The following IL7 variants were observed in gnomAD, a reference collection of about 807,000 sequenced individuals.
The protein encoded by IL7 is interleukin-7.
IL7 carries 3 observed loss-of-function variants against 21.6 expected under a neutral mutation model. That is an observed-to-expected ratio of 0.14 (90% confidence interval 0.06 to 0.36). The LOEUF (loss-of-function observed/expected upper bound fraction) is 0.36. Among genes scored for constraint, IL7 ranks in the 10% least tolerant of loss-of-function variants. The pLI is 1.00. For synonymous variants in IL7, 62 were observed against 68.1 expected, an observed-to-expected ratio of 0.91 and a Z score of 0.44; for missense variants, 175 against 200.2, an observed-to-expected ratio of 0.87 and a Z score of 0.76.
intron 2 of IL7, among the ~76,000 whole-genome samples, chr8:78,765,479 C>A (rs1016943438): frequency 3.3e-5 from 5 of 151,914 alleles, no homozygotes; most frequent in Admixed American, 6.6e-5. Context: ...TCTTAAAAAT[C>A]TAAAATAAGA....
intron 2 of IL7, chr8:78,760,915 G>C: frequency 6.4e-7 from 1 of 1,559,258 alleles, no homozygotes; most frequent in Non-Finnish European, 8.7e-7. Context: ...AGACATCAGA[G>C]GTTTGCCCCT....
chr8:78,675,349 C>A (rs1422210858), downstream of IL7, among the ~76,000 whole-genome samples: 1 of 151,762 alleles, frequency 6.6e-6, no homozygotes, highest in Non-Finnish European at 1.5e-5. Context: ...GAGTAAGATT[C>A]GTTTTATTCT....
At chr8:78,714,517 C>T (rs1414675360), downstream of IL7, among the ~76,000 whole-genome samples, 1 of 152,116 alleles carries the variant, frequency 6.6e-6, no homozygotes, top group African/African-American at 2.4e-5. Flanking sequence ...TGTCACAAAG[C>T]TGTCAGTAGC....
intron 2 of IL7, among the ~76,000 whole-genome samples, chr8:78,756,637 A>G (rs889049577): frequency 1.3e-5 from 2 of 151,652 alleles, no homozygotes; most frequent in African/African-American, 4.8e-5. Flanking sequence ...ATAGTCCTTT[A>G]TATTTCTGTG....
chr8:78,682,776 A>G (rs1030001998), intron 4 of IL7, among the ~76,000 whole-genome samples: 2 of 152,210 alleles, frequency 1.3e-5, no homozygotes, highest in East Asian at 1.9e-4. Context: ...CCACAGTTCA[A>G]TCTGAGACAA....
rs773352232 is a variant in IL7, at chr8:78,695,405, C to T, written n.215-9458G>A. 2.6e-5 allele frequency among the ~76,000 whole-genome samples: 4 copies of T among 152,148 alleles called. No homozygotes were observed. The South Asian group carries it at 6.2e-4, about 24-fold the overall frequency. On this transcript the variant is annotated intron_variant and non_coding_transcript_variant, in intron 3 of 4. Transcript: ENST00000523959. ...TTATGTAATGCTACCAGGAACCTTTCTGCCTGTTTCCTGCCTAAAGACTTG... is the reference window on the plus strand; with the variant it reads ...TTATGTAATGCTACCAGGAACCTTTTTGCCTGTTTCCTGCCTAAAGACTTG...
chr8:78,805,265 G>T lies in IL7; in HGVS notation c.-343C>A, dbSNP rs181081328. ...ATCTTCATTATCCCCTCTCTCCTGG[G>T]CACCTGCTTCCCGCGCACCTGGATG... is the stretch of plus-strand genomic sequence containing the variant. On this transcript the variant is annotated 5_prime_UTR_variant, in exon 1 of 6. Transcript: ENST00000263851. 1.7e-3 allele frequency: 383 copies of T among 231,196 alleles called. 1 individual carries two copies. The highest frequency in any genetic ancestry group is 2.8e-3 in the Non-Finnish European group (340 of 119,356). 14.3% of individuals were successfully genotyped at this position (231,196 alleles called of 1,614,324 possible).
intron 2 of IL7, among the ~76,000 whole-genome samples, chr8:78,796,420 A>G (rs183980130): frequency 6.6e-6 from 1 of 152,026 alleles, no homozygotes; most frequent in Non-Finnish European, 1.5e-5. Flanking sequence ...TGCATTTTCA[A>G]TTGCATCTTC....
At chr8:78,765,376 T>G (rs1399303793) in intron 2 of IL7, among the ~76,000 whole-genome samples, 1 of 151,962 alleles carries the variant, frequency 6.6e-6, no homozygotes, top group African/African-American at 2.4e-5. Context: ...AAAAGCAGCA[T>G]CAGGAGAATG....
intron 3 of IL7, among the ~76,000 whole-genome samples, chr8:78,687,732 ATATT>A: frequency 1.5e-5 from 1 of 68,662 alleles, no homozygotes; most frequent in African/African-American, 4.1e-5. Flanking sequence ...TACATTATAT[ATATT>A]TATGTAATAC....
intron 3 of IL7, among the ~76,000 whole-genome samples, chr8:78,708,646 T>C (rs1810856726): frequency 6.6e-6 from 1 of 151,928 alleles, no homozygotes; most frequent in Non-Finnish European, 1.5e-5. Context: ...GTAGAAAGTT[T>C]TTCCCTTCTT....
At chr8:78,718,064 C>T (rs1217978820) in intron 6 of IL7, 1 of 152,032 alleles carries the variant, frequency 6.6e-6, no homozygotes, top group East Asian at 1.9e-4. Flanking sequence ...AAAAACCCCT[C>T]TATTAGTTAC....
chr8:78,800,658 T>TTATTCACCAGATTCTGACC, intron 1 of IL7, among the ~76,000 whole-genome samples: 1 of 152,326 alleles, frequency 6.6e-6, no homozygotes, highest in East Asian at 1.9e-4. Context: ...CAATTGCTAA[T>TTATTCACCAGATTCTGACC]TATTCACCAG....
chr8:78,745,415 T>C (rs1811947539), intron 2 of IL7, among the ~76,000 whole-genome samples: 1 of 152,206 alleles, frequency 6.6e-6, no homozygotes, highest in African/African-American at 2.4e-5. Flanking sequence ...GGTTTTTATT[T>C]TAGTCTCTGT....
chr8:78,763,535 ATAT>A (rs1276097315), intron 2 of IL7, among the ~76,000 whole-genome samples: 2 of 152,198 alleles, frequency 1.3e-5, no homozygotes, highest in African/African-American at 4.8e-5. Context: ...TAATAAACAA[ATAT>A]TATGAGCAAC....
rs35861337 is a variant in IL7, at chr8:78,687,770, TTATA to T, written n.215-1827_215-1824del. Among the ~76,000 whole-genome samples, 2 of 25,854 alleles carry T rather than the reference TTATA, an allele frequency of 7.7e-5. 1 individual carries two copies. The highest frequency in any genetic ancestry group is 1.7e-4 in the Non-Finnish European group (2 of 12,012). 17.0% of individuals were successfully genotyped at this position (25,854 alleles called of 152,430 possible). On this transcript the variant is annotated intron_variant and non_coding_transcript_variant, in intron 3 of 4. Transcript: ENST00000523959. ...ACATTATATATATTTACGTAAGACA[TTATA>T]TATATATTTACGTAATACATTATAT... is the stretch of plus-strand genomic sequence containing the variant.
intron 2 of IL7, among the ~76,000 whole-genome samples, chr8:78,775,663 T>C (rs1311354154): frequency 6.6e-6 from 1 of 152,112 alleles, no homozygotes; most frequent in African/African-American, 2.4e-5. Context: ...TTTTTCTTCC[T>C]GTAGCGTTTT....
At chr8:78,769,271 A>T (rs1380759698) in intron 2 of IL7, among the ~76,000 whole-genome samples, 1 of 152,110 alleles carries the variant, frequency 6.6e-6, no homozygotes, top group Non-Finnish European at 1.5e-5. Context: ...ACATGATTGT[A>T]TATCTAGAAA....
At chr8:78,767,088 C>G (rs2130778055) in intron 2 of IL7, among the ~76,000 whole-genome samples, 1 of 152,154 alleles carries the variant, frequency 6.6e-6, no homozygotes, top group South Asian at 2.1e-4. Flanking sequence ...TATGAATAGT[C>G]TGTTCTTATC....
Sources: gnomAD v4.1 joint callset for allele counts (sites outside exome capture counted in the v4.1 genomes callset) on GRCh38, gnomAD v4.1.1 for gene constraint, MANE v1.5 for transcripts, NCBI Gene and HGNC (gene_info 2026-07-23, HGNC 2026-07-21) for gene names.